SCHIP1: variants seen among roughly 807,000 people sequenced by gnomAD.
The protein encoded by SCHIP1 is schwannomin interacting protein 1, also known as schwannomin-interacting protein 1.
A neutral mutation model predicts 29.7 loss-of-function variants in SCHIP1; 8 were observed. The observed-to-expected ratio is 0.27, with a 90% confidence interval of 0.16 to 0.49. SCHIP1 has a LOEUF of 0.49. Ranked by LOEUF, SCHIP1 falls within the 20% of genes least tolerant of loss-of-function variation. SCHIP1 has a pLI of 0.99. For synonymous variants in SCHIP1, 76 were observed against 94.9 expected, an observed-to-expected ratio of 0.80 and a Z score of 1.16; for missense variants, 193 against 294.6, an observed-to-expected ratio of 0.66 and a Z score of 2.52.
At chr3:159,758,312 C>A in the SCHIP1 span, among the ~76,000 whole-genome samples, 2 of 152,156 alleles carry the variant, frequency 1.3e-5, no homozygotes, top group Admixed American at 6.5e-5. Context: ...GCCACCATGC[C>A]TGGCTAATTT....
the SCHIP1 span, among the ~76,000 whole-genome samples, chr3:159,530,503 T>C: frequency 6.6e-6 from 1 of 152,196 alleles, no homozygotes; most frequent in East Asian, 1.9e-4. Context: ...TCCTTACTTC[T>C]ATAATTTCTT....
the SCHIP1 span, among the ~76,000 whole-genome samples, chr3:159,342,810 T>C: frequency 9.2e-3 from 1,409 of 152,346 alleles, 24 homozygotes; most frequent in African/African-American, 0.032. Flanking sequence ...TTTTAGTCTT[T>C]ATTAATTCAA....
the SCHIP1 span, among the ~76,000 whole-genome samples, chr3:159,465,826 A>G: frequency 6.6e-6 from 1 of 152,186 alleles, no homozygotes; most frequent in Non-Finnish European, 1.5e-5. Context: ...CTGAGTCCTT[A>G]TTGTGAAATA....
chr3:159,536,752 T>C, the SCHIP1 span, among the ~76,000 whole-genome samples: 17 of 152,308 alleles, frequency 1.1e-4, no homozygotes, highest in South Asian at 3.5e-3. Flanking sequence ...CAGCCCCTAC[T>C]GGCTCATGAG....
At chr3:159,379,002 T>C in the SCHIP1 span, among the ~76,000 whole-genome samples, 1 of 152,352 alleles carries the variant, frequency 6.6e-6, no homozygotes, top group Non-Finnish European at 1.5e-5. Context: ...AGGCTTGTGA[T>C]AAAAGCACAT....
At chr3:159,847,118 A>G (rs1408078477) in intron 1 of SCHIP1, among the ~76,000 whole-genome samples, 5 of 152,230 alleles carry the variant, frequency 3.3e-5, no homozygotes, top group Non-Finnish European at 2.9e-5. Flanking sequence ...ATTTTAATCC[A>G]AAGGTCTAGT....
intron 1 of SCHIP1, among the ~76,000 whole-genome samples, chr3:159,860,287 CAG>C (rs1713900590): frequency 6.6e-6 from 1 of 152,170 alleles, no homozygotes; most frequent in Non-Finnish European, 1.5e-5. Flanking sequence ...GTGTAAAAGA[CAG>C]AGAAAGAGCA....
At chr3:159,792,983 C>T in the SCHIP1 span, among the ~76,000 whole-genome samples, 2 of 152,144 alleles carry the variant, frequency 1.3e-5, no homozygotes, top group Non-Finnish European at 2.9e-5. Flanking sequence ...TTTGCCATCT[C>T]CTTGACTCAC....
chr3:159,489,309 C>T, the SCHIP1 span, among the ~76,000 whole-genome samples: 1 of 152,160 alleles, frequency 6.6e-6, no homozygotes, highest in Non-Finnish European at 1.5e-5. Flanking sequence ...AAGCCAGAAA[C>T]ATTTATTTAT....
the SCHIP1 span, among the ~76,000 whole-genome samples, chr3:159,719,565 G>T: frequency 6.6e-6 from 1 of 152,188 alleles, no homozygotes; most frequent in African/African-American, 2.4e-5. Context: ...CCATCCAAAA[G>T]TGGGTGAAGG....
chr3:159,640,736 A>G, the SCHIP1 span, among the ~76,000 whole-genome samples: 3 of 152,120 alleles, frequency 2.0e-5, no homozygotes, highest in East Asian at 1.9e-4. Flanking sequence ...CACAGCCCCA[A>G]CTTTTCTGTT....
the SCHIP1 span, among the ~76,000 whole-genome samples, chr3:159,815,536 T>A: frequency 2.6e-5 from 4 of 152,314 alleles, no homozygotes; most frequent in East Asian, 5.8e-4. Flanking sequence ...ATAAGAGTGC[T>A]ATGATGCATT....
the SCHIP1 span, among the ~76,000 whole-genome samples, chr3:159,279,608 C>T: frequency 3.3e-4 from 51 of 152,244 alleles, no homozygotes; most frequent in Admixed American, 6.5e-4. Context: ...GTTCCTGTTG[C>T]TGTAAACCTG....
chr3:159,661,230 A>G, the SCHIP1 span, among the ~76,000 whole-genome samples: 3 of 152,342 alleles, frequency 2.0e-5, no homozygotes, highest in South Asian at 2.1e-4. Flanking sequence ...ATTAAGCTAC[A>G]TGAAAGCTGA....
the SCHIP1 span, among the ~76,000 whole-genome samples, chr3:159,501,252 G>T: frequency 6.6e-6 from 1 of 152,306 alleles, no homozygotes; most frequent in Admixed American, 6.5e-5. Context: ...TTGGTCCCCA[G>T]TTGAGGACAT....
the SCHIP1 span, among the ~76,000 whole-genome samples, chr3:159,498,578 C>T: frequency 2.0e-5 from 3 of 151,974 alleles, no homozygotes; most frequent in African/African-American, 4.8e-5. Flanking sequence ...TTAGGAATGT[C>T]CATTCTTCAA....
At chr3:159,281,131 G>A in the SCHIP1 span, among the ~76,000 whole-genome samples, 1 of 152,122 alleles carries the variant, frequency 6.6e-6, no homozygotes, top group Non-Finnish European at 1.5e-5. Flanking sequence ...TTGAAAGAGA[G>A]CTATTGCTTA....
chr3:159,747,670 C>T, the SCHIP1 span, among the ~76,000 whole-genome samples: 1 of 152,106 alleles, frequency 6.6e-6, no homozygotes, highest in Non-Finnish European at 1.5e-5. Flanking sequence ...GTTCAGTACT[C>T]ATGGCCATGA....
the SCHIP1 span, among the ~76,000 whole-genome samples, chr3:159,618,822 G>A: frequency 1.3e-5 from 2 of 152,220 alleles, no homozygotes; most frequent in Non-Finnish European, 2.9e-5. Flanking sequence ...CATGAGTCCT[G>A]CTTGAGATGG....
Sources: allele counts gnomAD v4.1 joint callset (sites outside exome capture counted in the v4.1 genomes callset), GRCh38; gene constraint gnomAD v4.1.1; transcripts MANE v1.5; gene names NCBI Gene and HGNC (gene_info 2026-07-23, HGNC 2026-07-21).